ABHD4: variants seen among roughly 807,000 people sequenced by gnomAD.
ABHD4 encodes abhydrolase domain containing 4, N-acyl phospholipase B, also known as (Lyso)-N-acylphosphatidylethanolamine lipase.
Under a neutral mutation model 42.3 loss-of-function variants are expected in ABHD4, and 35 were observed. The ratio of observed to expected loss-of-function variants is 0.83; its 90% CI spans 0.63 to 1.10. The LOEUF (loss-of-function observed/expected upper bound fraction) is 1.10, where lower values mean the gene tolerates loss of function less well. Among genes scored for constraint, ABHD4 ranks in the 50% least tolerant of loss-of-function variants. ABHD4 has a pLI of 0.00. For missense variants in ABHD4, 389 were observed against 454.8 expected, an observed-to-expected ratio of 0.86 and a Z score of 1.32; for synonymous variants, 169 against 170.6, an observed-to-expected ratio of 0.99 and a Z score of 0.07.
chr14:22,609,508 C>T (rs2037386616), intron 5 of ABHD4: 1 of 499,388 alleles, frequency 2.0e-6, no homozygotes, highest in African/African-American at 2.0e-5. Flanking sequence ...ACAGTTCGTA[C>T]TGCCATGGGG....
At position 22,603,998 on chromosome 14, in the gene ABHD4, C is replaced by A. The variant is rs139658829; in HGVS notation, c.559C>A (p.Pro187Thr). The A allele has an allele frequency of 1.2e-6, 2 of 1,614,096 alleles. No individual in the cohort carries two copies. Among genetic ancestry groups the A allele is most frequent in the East Asian group, 2.2e-5 (1 of 44,888 alleles). ...AACTAACCCCAGTGAGATCCGTGCA[C>A]CCCCAGCCTGGGTCAAAGCCGTGGC... ...RPTNPSEIRA[P>T]PAWVKAVASV... The change falls in exon 4 of 7, where the codon CCC becomes ACC. Residue 187 changes from proline to threonine, a missense_variant. Pro to Thr is a conservative substitution (Grantham distance 38, BLOSUM62 -1). Around this residue, in one of 3 missense-constraint regions of ABHD4, gnomAD observed 249 missense variants for 254.4 expected, o/e 0.98. Transcript: ENST00000428304.
chr14:22,604,065 T>A lies in ABHD4; in HGVS notation c.626T>A (p.Val209Glu). The A allele has an allele frequency of 6.2e-7, 1 of 1,614,112 alleles. No homozygotes were observed. Among genetic ancestry groups the A allele is most frequent in the South Asian group, 1.1e-5 (1 of 91,080 alleles). ...TCCAATCCATTGGCTGTTCTTCGAG[T>A]AGCTGGGCCCTGGGGTGAGTAGCCT... Reference protein sequence around the residue: ...GRSNPLAVLRVAGPWGPGLVQ... With the variant: ...GRSNPLAVLREAGPWGPGLVQ... Residue 209 changes from valine (V) to glutamate (E), a missense_variant, in exon 4 of 7, where the codon GTA becomes GAA. Physicochemically the swap from Val to Glu is moderately radical, Grantham distance 121. Around this residue, in one of 3 missense-constraint regions of ABHD4, gnomAD observed 249 missense variants for 254.4 expected, o/e 0.98. Transcript: ENST00000428304.
rs1047918994 is a variant in ABHD4, at chr14:22,605,913, G to A, written c.641-509G>A. On this transcript the variant is annotated intron_variant, in intron 4 of 6. Transcript: ENST00000428304. ...GAAACGAACAGATTGTTGTAAAACA[G>A]TGCCCTGAGTCTGAGACACGATTGT... is the stretch of plus-strand genomic sequence containing the variant. 10 of 1,052,532 alleles carry A rather than the reference G, an allele frequency of 9.5e-6. No individual in the cohort carries two copies. In the African/African-American group the frequency reaches 1.6e-4, roughly 17 times the overall value. The allele number at this position is 1,052,532 out of a possible 1,614,324, so 65.2% of individuals were successfully genotyped here. A position where few individuals can be genotyped will look rare whatever the true frequency, so the allele number is the denominator to read the frequency against.
chr14:22,598,571 C>T (rs903877470), intron 1 of ABHD4: 17 of 1,140,036 alleles, frequency 1.5e-5, no homozygotes, highest in Admixed American at 8.1e-5. Context: ...TGGCTTTCTA[C>T]CTTAGTCCTC....
intron 1 of ABHD4, 96 bp downstream of exon 1, chr14:22,598,425 C>G: frequency 6.5e-7 from 1 of 1,549,410 alleles, no homozygotes; most frequent in East Asian, 2.4e-5. Flanking sequence ...AGACACCTTC[C>G]CGCTCTTCCT....
At chr14:22,605,570 G>A (rs1468945323) in intron 4 of ABHD4, among the ~76,000 whole-genome samples, 3 of 152,224 alleles carry the variant, frequency 2.0e-5, no homozygotes, top group Non-Finnish European at 2.9e-5. Flanking sequence ...CTCCAACAGA[G>A]TCTATAGTCC....
rs186663687 is a variant in ABHD4, at chr14:22,606,356, C to T, written c.641-66C>T. The T allele has an allele frequency of 1.2e-5, 12 of 1,030,942 alleles. No homozygotes were observed. The South Asian group carries it at 1.3e-4, about 12-fold the overall frequency. 63.9% of individuals were successfully genotyped at this position (1,030,942 alleles called of 1,614,324 possible). On this transcript the variant is annotated intron_variant, in intron 4 of 6. Coordinates refer to ENST00000428304, the MANE Select transcript of ABHD4 (RefSeq NM_022060.3). Reference sequence around the variant, plus strand: ...TTAGTTAAAGTTCTCAAAACATACACAGGCAGGAGTCTTCCCTGCCCCACC... The same window carrying T: ...TTAGTTAAAGTTCTCAAAACATACATAGGCAGGAGTCTTCCCTGCCCCACC...
chr14:22,600,037 G>A (rs1183274155), intron 1 of ABHD4: 6 of 293,176 alleles, frequency 2.0e-5, no homozygotes, highest in Non-Finnish European at 4.3e-5. Flanking sequence ...AAAGTTGATT[G>A]GGAGTTTGTG....
At position 22,610,844 on chromosome 14, in the gene ABHD4, G is replaced by T. The variant is rs753591858; in HGVS notation, c.940-15G>T. ...ATAAAAGGCCATCCCACCCCTGCGG[G>T]TTCTCTCTCCACAGGAGATTAAGGG... On this transcript the variant is annotated splice_polypyrimidine_tract_variant and intron_variant, in intron 6 of 6. Coordinates refer to ENST00000428304, the MANE Select transcript of ABHD4 (RefSeq NM_022060.3). 6.8e-6 allele frequency: 11 copies of T among 1,606,866 alleles called. No homozygotes were observed. Among genetic ancestry groups the T allele is most frequent in the Admixed American group, 3.3e-5 (2 of 60,000 alleles).
At chr14:22,599,073 C>A (rs1186953102) in intron 1 of ABHD4, 1 of 152,330 alleles carries the variant, frequency 6.6e-6, no homozygotes, top group Non-Finnish European at 1.5e-5. Context: ...CCCAGCCGAG[C>A]CTTGGTTTCA....
intron 5 of ABHD4, 36 bp from the exon 6 acceptor site, chr14:22,609,688 C>A (rs781327645): frequency 5.0e-6 from 8 of 1,601,172 alleles, no homozygotes; most frequent in Non-Finnish European, 6.8e-6. Flanking sequence ...TTGACATATT[C>A]TGCTGTGAAG....
rs144573642 is a variant in ABHD4, at chr14:22,601,768, G to A, written c.112+13G>A. The A allele has an allele frequency of 6.2e-7, 1 of 1,612,672 alleles. No homozygotes were observed. Among genetic ancestry groups the A allele is most frequent in the South Asian group, 1.1e-5 (1 of 91,062 alleles). ...AGGATCCTCCAGTGTAAGTAGAATG[G>A]ACAGCTTGTCCCACCTCCCTCATGG... On this transcript the variant is annotated intron_variant, in intron 2 of 6. Coordinates refer to ENST00000428304, the MANE Select transcript of ABHD4 (RefSeq NM_022060.3).
intron 1 of ABHD4, among the ~76,000 whole-genome samples, chr14:22,599,248 A>C (rs1026520270): frequency 1.3e-5 from 2 of 152,224 alleles, no homozygotes; most frequent in Non-Finnish European, 2.9e-5. Flanking sequence ...TCCAAGAGGA[A>C]ATTTGCAATG....
chr14:22,606,350 C>T (rs955430009), intron 4 of ABHD4, 72 bp from the exon 5 acceptor site: 83 of 996,564 alleles, frequency 8.3e-5, no homozygotes, highest in Non-Finnish European at 1.3e-4. Context: ...GTTCTCAAAA[C>T]ATACACAGGC....
chr14:22,604,229 T>G, intron 4 of ABHD4, 150 bp downstream of exon 4: 2 of 969,212 alleles, frequency 2.1e-6, no homozygotes, highest in Non-Finnish European at 3.0e-6. Flanking sequence ...GTTCAAGGTT[T>G]GAGAAGGTTT....
chr14:22,603,893 T>C (rs779480554), intron 3 of ABHD4, 32 bp from the exon 4 acceptor site: 6 of 1,610,784 alleles, frequency 3.7e-6, no homozygotes, highest in South Asian at 1.1e-5. Context: ...GAGAATATAA[T>C]GTGTCTTCTC....
chr14:22,603,449 A>T lies in ABHD4; in HGVS notation c.172A>T (p.Thr58Ser), dbSNP rs775304764. 6.2e-6 allele frequency: 10 copies of T among 1,614,058 alleles called. No individual in the cohort carries two copies. The highest frequency in any genetic ancestry group is 1.7e-6 in the Non-Finnish European group (2 of 1,180,018). Residue 58 changes from threonine to serine, a missense_variant, in exon 3 of 7, where the codon ACG (threonine) becomes TCG (serine). This residue lies in a region of ABHD4 where 102 missense variants were observed against 128.3 expected (regional missense o/e 0.80). Coordinates refer to ENST00000428304, the MANE Select transcript of ABHD4 (RefSeq NM_022060.3). Reference protein sequence around the residue: ...VSLPNQNKIWTVTVSPEQNDR... With the variant: ...VSLPNQNKIWSVTVSPEQNDR... ...CCTCCCAAACCAGAATAAGATCTGGACGGTGACTGTGAGCCCCGAGCAAAA... is the reference window on the plus strand; with the variant it reads ...CCTCCCAAACCAGAATAAGATCTGGTCGGTGACTGTGAGCCCCGAGCAAAA...
At position 22,605,627 on chromosome 14, in the gene ABHD4, C is replaced by T. The variant is rs2037340801; in HGVS notation, c.641-795C>T. Reference sequence around the variant, plus strand: ...TCGAGCTACTCTCCCCTATTCTCACCTCTGGCCAGGCTCATGCAGGAGCAT... The same window carrying T: ...TCGAGCTACTCTCCCCTATTCTCACTTCTGGCCAGGCTCATGCAGGAGCAT... On this transcript the variant is annotated intron_variant, in intron 4 of 6. Coordinates refer to ENST00000428304, the MANE Select transcript of ABHD4 (RefSeq NM_022060.3). 1.3e-5 allele frequency among the ~76,000 whole-genome samples: 2 copies of T among 152,300 alleles called. 1 individual carries two copies. The highest frequency in any genetic ancestry group is 6.8e-3 in the Middle Eastern group (2 of 294).
chr14:22,603,382 C>T lies in ABHD4; in HGVS notation c.113-8C>T. On this transcript the variant is annotated splice_polypyrimidine_tract_variant and splice_region_variant and intron_variant, in intron 2 of 6. Coordinates refer to ENST00000428304, the MANE Select transcript of ABHD4 (RefSeq NM_022060.3). ...TATTGACTTACCATGGGATTCTTTC[C>T]TCCCCAGGTCTCCAGAATAAGTTCC... 6.2e-7 allele frequency: 1 copy of T among 1,614,086 alleles called. No homozygotes were observed. The highest frequency in any genetic ancestry group is 1.1e-5 in the South Asian group (1 of 91,038).
Sources: allele counts gnomAD v4.1 joint callset (sites outside exome capture counted in the v4.1 genomes callset), GRCh38; gene constraint gnomAD v4.1.1; regional missense constraint gnomAD v4.1.1; transcripts MANE v1.5; gene names NCBI Gene and HGNC (gene_info 2026-07-23, HGNC 2026-07-21).